Variants in EML4 observed in about 807,000 individuals in gnomAD.
EML4 encodes echinoderm microtubule-associated protein-like 4.
In EML4, 72 loss-of-function variants were observed where a neutral mutation model predicts 129.0. The ratio of observed to expected loss-of-function variants is 0.56; its 90% CI spans 0.46 to 0.68. EML4 has a LOEUF of 0.68. EML4 is among the 30% of genes least tolerant of loss of function. EML4 has a pLI of 0.00. For missense variants in EML4, 1,363 were observed against 1,190.6 expected (o/e 1.14, Z -2.13); for synonymous variants, 532 against 405.0 (o/e 1.31, Z -3.77).
intron 21 of EML4, 127 bp downstream of exon 21, chr2:42,326,379 C>T (rs1395665590): frequency 3.2e-5 from 20 of 631,672 alleles, no homozygotes; most frequent in Non-Finnish European, 5.3e-6. Flanking sequence ...TAATGTCAGC[C>T]TCAGAGAAAT....
chr2:42,300,413 T>C (rs1280409671), intron 13 of EML4, among the ~76,000 whole-genome samples: 1 of 152,204 alleles, frequency 6.6e-6, no homozygotes, highest in African/African-American at 2.4e-5. Context: ...AAAAACCACA[T>C]GTGTTTGCCT....
At chr2:42,227,740 C>G (rs988618789) in intron 1 of EML4, among the ~76,000 whole-genome samples, 1 of 152,184 alleles carries the variant, frequency 6.6e-6, no homozygotes, top group Non-Finnish European at 1.5e-5. Flanking sequence ...AAGCTGAAGA[C>G]TTTTATGAAC....
chr2:42,169,844 T>A, intron 1 of EML4: 1 of 466,228 alleles, frequency 2.1e-6, no homozygotes, highest in Non-Finnish European at 3.7e-6. Context: ...TGTCAGACCC[T>A]CCTTTCCTCC....
At chr2:42,312,946 C>CTTTT (rs753939714) in intron 17 of EML4, among the ~76,000 whole-genome samples, 2 of 114,306 alleles carry the variant, frequency 1.7e-5, no homozygotes, top group East Asian at 2.5e-4. Context: ...CAATGTATAT[C>CTTTT]TTTTTTTTTT....
At chr2:42,207,438 A>G (rs72978900) in intron 1 of EML4, among the ~76,000 whole-genome samples, 7,310 of 152,134 alleles carry the variant, frequency 0.048, 570 homozygotes, top group African/African-American at 0.16. Context: ...CTTTTCACTT[A>G]TTGGTATCTT....
In EML4 at chr2:42,169,741, G is replaced by A. The variant is rs921426494; in HGVS notation, c.25+105G>A. ...CTCCCGCCTGCCCCTCGGGGTGGCA[G>A]CGGCTCCACTGCACATGTTCCCTTC... is the stretch of plus-strand genomic sequence containing the variant. On this transcript the variant is annotated intron_variant, in intron 1 of 22. Transcript: ENST00000318522. 5 of 1,332,248 alleles carry A rather than the reference G, an allele frequency of 3.8e-6. No homozygotes were observed. In the Admixed American group the frequency reaches 1.2e-4, roughly 32 times the overall value. 82.5% of individuals were successfully genotyped at this position (1,332,248 alleles called of 1,614,324 possible). A position where few individuals can be genotyped will look rare whatever the true frequency, so the allele number is the denominator to read the frequency against.
chr2:42,247,269 A>G (rs1409024120), intron 2 of EML4, among the ~76,000 whole-genome samples: 1 of 152,176 alleles, frequency 6.6e-6, no homozygotes, highest in African/African-American at 2.4e-5. Context: ...TATCGAGATA[A>G]TGATAACCTT....
intron 1 of EML4, among the ~76,000 whole-genome samples, chr2:42,195,789 A>C (rs917546707): frequency 6.6e-6 from 1 of 152,218 alleles, no homozygotes; most frequent in Non-Finnish European, 1.5e-5. Context: ...TATTTACTAC[A>C]GGAAGCCTGG....
At chr2:42,220,794 C>T (rs748252817) in intron 1 of EML4, among the ~76,000 whole-genome samples, 4 of 152,146 alleles carry the variant, frequency 2.6e-5, no homozygotes, top group African/African-American at 7.2e-5. Context: ...AGTGCTACTC[C>T]AGTGAACATA....
intron 19 of EML4, among the ~76,000 whole-genome samples, chr2:42,323,072 C>G (rs1015990968): frequency 2.6e-5 from 4 of 152,136 alleles, no homozygotes; most frequent in Non-Finnish European, 5.9e-5. Context: ...TTTTGATGCT[C>G]TTCTAATTGA....
intron 1 of EML4, among the ~76,000 whole-genome samples, chr2:42,218,926 G>A (rs958620699): frequency 7.9e-5 from 12 of 152,100 alleles, no homozygotes; most frequent in Non-Finnish European, 1.8e-4. Flanking sequence ...AGCCTCGCAA[G>A]CAGCTAGGAA....
intron 1 of EML4, among the ~76,000 whole-genome samples, chr2:42,205,290 A>G (rs1302582875): frequency 1.3e-5 from 2 of 152,256 alleles, no homozygotes; most frequent in Non-Finnish European, 2.9e-5. Flanking sequence ...ATTCTGAATT[A>G]AAATGCTTAA....
At chr2:42,299,834 A>G (rs34918798) in intron 13 of EML4, among the ~76,000 whole-genome samples, 47,876 of 152,014 alleles carry the variant, frequency 0.31, 8,135 homozygotes, top group African/African-American at 0.45. Flanking sequence ...GATTACAGGC[A>G]TGTGCCATCA....
At chr2:42,237,200 G>T (rs1014701836) in intron 1 of EML4, among the ~76,000 whole-genome samples, 1 of 152,226 alleles carries the variant, frequency 6.6e-6, no homozygotes, top group Middle Eastern at 3.4e-3. Flanking sequence ...CTCCTAAAGT[G>T]CTGGGATTGT....
intron 22 of EML4, 48 bp from the exon 23 acceptor site, chr2:42,329,686 G>A (rs1427891153): frequency 6.6e-7 from 1 of 1,514,910 alleles, no homozygotes; most frequent in East Asian, 2.3e-5. Flanking sequence ...AAACAGGCAT[G>A]TCAAGAATGA....
intron 6 of EML4, among the ~76,000 whole-genome samples, chr2:42,268,506 T>C (rs1170761998): frequency 6.6e-6 from 1 of 152,178 alleles, no homozygotes; most frequent in Non-Finnish European, 1.5e-5. Flanking sequence ...TGCACGATCA[T>C]AACTCACTGC....
In EML4 at chr2:42,331,333, T is replaced by G. The variant is rs1670089090; in HGVS notation, c.*1126T>G. 4.5e-6 allele frequency: 1 copy of G among 224,214 alleles called. No individual in the cohort carries two copies. Among genetic ancestry groups the G allele is most frequent in the Admixed American group, 5.7e-5 (1 of 17,474 alleles). 13.9% of individuals were successfully genotyped at this position (224,214 alleles called of 1,614,324 possible). A position where few individuals can be genotyped will look rare whatever the true frequency, so the allele number is the denominator to read the frequency against. ...GTGTAGCAGTTTTTTTCTGGTGGAG[T>G]TGCTGTAAGTCTTGTAAGTCTAATG... On this transcript the variant is annotated 3_prime_UTR_variant, in exon 23 of 23. Transcript: ENST00000318522.
chr2:42,324,167 C>T (rs1296887500), intron 19 of EML4, among the ~76,000 whole-genome samples: 3 of 152,006 alleles, frequency 2.0e-5, no homozygotes, highest in Admixed American at 6.6e-5. Flanking sequence ...TGGTGGTGCA[C>T]ACCTGTATTC....
chr2:42,302,428 T>G (rs1367711124), intron 14 of EML4, among the ~76,000 whole-genome samples: 1 of 152,224 alleles, frequency 6.6e-6, no homozygotes, highest in Non-Finnish European at 1.5e-5. Flanking sequence ...AGAAAATGTT[T>G]CTTAGGCTAA....
Sources: allele counts gnomAD v4.1 joint callset (sites outside exome capture counted in the v4.1 genomes callset), GRCh38; gene constraint gnomAD v4.1.1; transcripts MANE v1.5; gene names NCBI Gene and HGNC (gene_info 2026-07-23, HGNC 2026-07-21).